Variants in GNB4 observed in about 807,000 individuals in gnomAD.
GNB4 encodes the protein G protein subunit beta 4.
A neutral mutation model predicts 45.2 loss-of-function variants in GNB4; 28 were observed. The observed-to-expected ratio is 0.62, with a 90% CI of 0.46 to 0.85. The LOEUF is 0.85. Among genes scored for constraint, GNB4 ranks in the 40% least tolerant of loss-of-function variants. The pLI, the probability that GNB4 is intolerant of heterozygous loss-of-function variation, is 0.00. For missense variants in GNB4, 321 were observed against 425.4 expected (o/e 0.75, Z 2.16); for synonymous variants, 132 against 143.7 (o/e 0.92, Z 0.58).
At chr3:179,498,019 G>A in the GNB4 span, among the ~76,000 whole-genome samples, 1 of 152,200 alleles carries the variant, frequency 6.6e-6, no homozygotes, top group African/African-American at 2.4e-5. Context: ...ACTACCTTAT[G>A]ATCCAGCAGT....
chr3:179,465,006 G>A, the GNB4 span: 316 of 1,531,560 alleles, frequency 2.1e-4, no homozygotes, highest in Non-Finnish European at 2.6e-4. Flanking sequence ...GTGCATGAAC[G>A]TCCCGGAGGT....
chr3:179,502,043 T>C, the GNB4 span, among the ~76,000 whole-genome samples: 1 of 152,118 alleles, frequency 6.6e-6, no homozygotes, highest in Non-Finnish European at 1.5e-5. Flanking sequence ...GTCATTGATA[T>C]TTCAGTGGGA....
chr3:179,486,563 T>A, the GNB4 span, among the ~76,000 whole-genome samples: 2 of 152,172 alleles, frequency 1.3e-5, no homozygotes, highest in Non-Finnish European at 2.9e-5. Flanking sequence ...TCTCTTATAG[T>A]AAACCAATGA....
chr3:179,436,330 C>T lies in GNB4; in HGVS notation c.-42-10088G>A, dbSNP rs539725275. Among the ~76,000 whole-genome samples, 144 of 152,138 alleles carry T rather than the reference C, an allele frequency of 9.5e-4. 1 individual carries two copies. The highest frequency in any genetic ancestry group is 3.3e-3 in the African/African-American group (138 of 41,492). On this transcript the variant is annotated intron_variant, in intron 1 of 9. Coordinates refer to ENST00000232564, the MANE Select transcript of GNB4 (RefSeq NM_021629.4). ...GCTTGAATCCAGGAGGCAGAGGTTGCGGTGAGCCGAGATCATGCCATTGCA... is the reference window on the plus strand; with the variant it reads ...GCTTGAATCCAGGAGGCAGAGGTTGTGGTGAGCCGAGATCATGCCATTGCA...
At chr3:179,441,318 T>C (rs1047960858) in intron 1 of GNB4, among the ~76,000 whole-genome samples, 1 of 152,208 alleles carries the variant, frequency 6.6e-6, no homozygotes, top group Non-Finnish European at 1.5e-5. Flanking sequence ...CTAGGCTCTA[T>C]AGCATATAGC....
At chr3:179,452,136 GA>G (rs1715898442), upstream of GNB4, among the ~76,000 whole-genome samples, 1 of 151,882 alleles carries the variant, frequency 6.6e-6, no homozygotes, top group South Asian at 2.1e-4. Flanking sequence ...TATTGTCATT[GA>G]TAAAACTGGA....
At chr3:179,408,078 AAAT>A (rs1714528403) in intron 8 of GNB4, among the ~76,000 whole-genome samples, 2 of 152,350 alleles carry the variant, frequency 1.3e-5, no homozygotes, top group East Asian at 3.9e-4. Flanking sequence ...GAGCAAATCT[AAAT>A]AATATTTTTA....
intron 1 of GNB4, among the ~76,000 whole-genome samples, chr3:179,449,934 A>G (rs1378864925): frequency 1.3e-5 from 2 of 152,228 alleles, no homozygotes; most frequent in African/African-American, 4.8e-5. Flanking sequence ...TTACATGCCA[A>G]TTGTTTAAAA....
the GNB4 span, among the ~76,000 whole-genome samples, chr3:179,467,654 A>G: frequency 6.6e-6 from 1 of 151,396 alleles, no homozygotes; most frequent in African/African-American, 2.4e-5. Context: ...TTTTGGAGAA[A>G]GTAAGTGTCA....
At chr3:179,453,504 T>G (rs1394850312), upstream of GNB4, among the ~76,000 whole-genome samples, 5 of 152,220 alleles carry the variant, frequency 3.3e-5, no homozygotes, top group African/African-American at 1.2e-4. Flanking sequence ...GAGAGCTGGT[T>G]GTTGGGTTAA....
chr3:179,397,459 A>G lies in GNB4; in HGVS notation c.*3754T>C, dbSNP rs1043286710. 6.6e-6 allele frequency: 1 copy of G among 152,254 alleles called. No individual in the cohort carries two copies. Among genetic ancestry groups the G allele is most frequent in the Non-Finnish European group, 1.5e-5 (1 of 68,042 alleles). 9.4% of individuals were successfully genotyped at this position (152,254 alleles called of 1,614,324 possible). A position where few individuals can be genotyped will look rare whatever the true frequency, so the allele number is the denominator to read the frequency against. On this transcript the variant is annotated 3_prime_UTR_variant, in exon 10 of 10. Coordinates refer to ENST00000232564, the MANE Select transcript of GNB4 (RefSeq NM_021629.4). Reference sequence around the variant, plus strand: ...TGTAACATATTCTAGAAGCACCTACATCCATTATTTCCAGGAGACTAGTTT... The same window carrying G: ...TGTAACATATTCTAGAAGCACCTACGTCCATTATTTCCAGGAGACTAGTTT...
At chr3:179,403,810 T>A (rs943784050) in intron 9 of GNB4, among the ~76,000 whole-genome samples, 119 of 123,214 alleles carry the variant, frequency 9.7e-4, no homozygotes, top group Admixed American at 5.3e-3. Context: ...AAAAATAAAA[T>A]AAAATAAAAT....
the GNB4 span, among the ~76,000 whole-genome samples, chr3:179,497,251 GAGAAAGGAT>G: frequency 2.6e-5 from 4 of 152,022 alleles, no homozygotes; most frequent in African/African-American, 9.7e-5. Context: ...ATATATAATG[GAGAAAGGAT>G]AGAATCTTTA....
At chr3:179,518,138 A>C in the GNB4 span, among the ~76,000 whole-genome samples, 3 of 151,996 alleles carry the variant, frequency 2.0e-5, no homozygotes, top group Non-Finnish European at 2.9e-5. Context: ...CTGTGTTCTC[A>C]GAAACTTAAA....
At chr3:179,457,990 C>T in the GNB4 span, among the ~76,000 whole-genome samples, 6 of 151,886 alleles carry the variant, frequency 4.0e-5, no homozygotes, top group East Asian at 1.9e-4. Context: ...CTGCAACCTC[C>T]GCCTCCCAGG....
chr3:179,455,527 C>T (rs183524246), upstream of GNB4, among the ~76,000 whole-genome samples: 112 of 152,242 alleles, frequency 7.4e-4, 1 homozygote, highest in Middle Eastern at 0.027. Flanking sequence ...AGACTATGTC[C>T]GGGGATGACT....
the GNB4 span, among the ~76,000 whole-genome samples, chr3:179,495,846 C>T: frequency 6.6e-6 from 1 of 152,254 alleles, no homozygotes; most frequent in African/African-American, 2.4e-5. Flanking sequence ...ACCAAGAATA[C>T]TTATCTAGCC....
At chr3:179,452,169 C>T (rs1715899777), upstream of GNB4, among the ~76,000 whole-genome samples, 1 of 151,520 alleles carries the variant, frequency 6.6e-6, no homozygotes, top group Non-Finnish European at 1.5e-5. Context: ...ATATCCCTGC[C>T]AAGTCGCTCT....
intron 9 of GNB4, among the ~76,000 whole-genome samples, chr3:179,404,560 A>G (rs1714407206): frequency 6.6e-6 from 1 of 152,154 alleles, no homozygotes; most frequent in African/African-American, 2.4e-5. Context: ...GAGGAGGGGT[A>G]GGTAAATTAC....
Sources: gnomAD v4.1 joint callset for allele counts (sites outside exome capture counted in the v4.1 genomes callset) on GRCh38, gnomAD v4.1.1 for gene constraint, MANE v1.5 for transcripts, NCBI Gene and HGNC (gene_info 2026-07-23, HGNC 2026-07-21) for gene names.